Variants in CYB5B observed in about 807,000 individuals in gnomAD.
CYB5B encodes cytochrome b5 type B, also known as cytochrome b5 type B (outer mitochondrial membrane).
Under a neutral mutation model 21.3 loss-of-function variants are expected in CYB5B, and 14 were observed. The observed-to-expected ratio is 0.66, with a 90% CI of 0.43 to 1.03. The LOEUF (loss-of-function observed/expected upper bound fraction) is 1.03. Ranked by LOEUF, CYB5B falls within the 50% of genes least tolerant of loss-of-function variation. The probability of loss-of-function intolerance (pLI) is 0.00; values close to 1 mark genes in which losing one functional copy is unlikely to be tolerated. For synonymous variants in CYB5B, 69 were observed against 68.4 expected (o/e 1.01, Z -0.04); for missense variants, 166 against 185.1 (o/e 0.90, Z 0.60).
intron 1 of CYB5B, among the ~76,000 whole-genome samples, chr16:69,432,921 C>A (rs1223709289): frequency 1.3e-4 from 20 of 152,200 alleles, no homozygotes; most frequent in Non-Finnish European, 2.4e-4. Context: ...CCTCAGCCTC[C>A]TGAGTAGCTG....
intron 3 of CYB5B, 98 bp from the exon 4 acceptor site, chr16:69,458,982 TGGTATCAGTTACA>T: frequency 1.1e-6 from 1 of 918,750 alleles, no homozygotes; most frequent in Non-Finnish European, 1.6e-6. Flanking sequence ...GATGAAGTTC[TGGTATCAGTTACA>T]GGGTTGACAT....
chr16:69,427,447 C>T (rs1458907453), intron 1 of CYB5B, among the ~76,000 whole-genome samples: 1 of 151,900 alleles, frequency 6.6e-6, no homozygotes, highest in African/African-American at 2.4e-5. Flanking sequence ...CTGTTTCAAC[C>T]ACATGCTGAT....
intron 1 of CYB5B, among the ~76,000 whole-genome samples, 157 bp from the exon 2 acceptor site, chr16:69,446,993 C>A (rs2014884756): frequency 6.6e-6 from 1 of 152,180 alleles, no homozygotes; most frequent in South Asian, 2.1e-4. Flanking sequence ...AGAAGTTATG[C>A]TGTGTTCTTC....
rs2015049508 is a variant in CYB5B at position 69,462,855 on chromosome 16, C to T, written c.*335C>T. ...TGGTAAAAATGCCTGCTTTCCAATA[C>T]TTTGATTGCATATTAGACATTCTTA... On this transcript the variant is annotated 3_prime_UTR_variant, in exon 5 of 5. Coordinates refer to ENST00000307892, the MANE Select transcript of CYB5B (RefSeq NM_030579.3). 4.5e-6 allele frequency: 1 copy of T among 220,500 alleles called. No individual in the cohort carries two copies. Among genetic ancestry groups the T allele is most frequent in the Non-Finnish European group, 9.2e-6 (1 of 108,360 alleles). 13.7% of individuals were successfully genotyped at this position (220,500 alleles called of 1,614,324 possible).
At position 69,464,278 on chromosome 16, in the gene CYB5B, G is replaced by A. The variant is rs2015064794; in HGVS notation, c.*1758G>A. On this transcript the variant is annotated 3_prime_UTR_variant, in exon 5 of 5. Coordinates refer to ENST00000307892, the MANE Select transcript of CYB5B (RefSeq NM_030579.3). ...TGGATATATTTGGGAGTAATTTTAG[G>A]AGATTTCTGGCTGACTTTTATTATC... 6.6e-6 allele frequency: 1 copy of A among 152,150 alleles called. No homozygotes were observed. Among genetic ancestry groups the A allele is most frequent in the African/African-American group, 2.4e-5 (1 of 41,422 alleles). 9.4% of individuals were successfully genotyped at this position (152,150 alleles called of 1,614,324 possible). A position where few individuals can be genotyped will look rare whatever the true frequency, so the allele number is the denominator to read the frequency against.
chr16:69,437,347 CA>C, intron 1 of CYB5B, among the ~76,000 whole-genome samples: 1 of 152,152 alleles, frequency 6.6e-6, no homozygotes, highest in East Asian at 1.9e-4. Context: ...TGCAAATTCA[CA>C]AGAGGTTTAA....
At chr16:69,428,665 A>C (rs949469827) in intron 1 of CYB5B, among the ~76,000 whole-genome samples, 3 of 152,196 alleles carry the variant, frequency 2.0e-5, no homozygotes, top group African/African-American at 7.2e-5. Flanking sequence ...AAATGAAAAA[A>C]AAAAGAAAAA....
intron 1 of CYB5B, among the ~76,000 whole-genome samples, chr16:69,442,312 C>A (rs1322773991): frequency 6.6e-6 from 1 of 151,944 alleles, no homozygotes; most frequent in Non-Finnish European, 1.5e-5. Flanking sequence ...CTTAAGTTTT[C>A]CCCTTTCTCT....
intron 1 of CYB5B, among the ~76,000 whole-genome samples, chr16:69,440,878 T>A: frequency 6.6e-6 from 1 of 151,810 alleles, no homozygotes; most frequent in Non-Finnish European, 1.5e-5. Flanking sequence ...AGGATGGTCA[T>A]GAACTCCCAG....
At position 69,447,278 on chromosome 16, in the gene CYB5B, G is replaced by T. The variant is rs765357837; in HGVS notation, c.303G>T (p.Pro101=). ...AGTACTACATTGGTGATATCCATCC[G>T]GTAAGAACTATCAGAGATGGGAGCC... ...LKQYYIGDIH[P]SDLKPESGSK... The change falls in exon 2 of 5, where the codon CCG becomes CCT. Residue 101 remains proline, a splice_region_variant and synonymous_variant. Coordinates refer to ENST00000307892, the MANE Select transcript of CYB5B (RefSeq NM_030579.3). 15 of 1,612,840 alleles carry T rather than the reference G, an allele frequency of 9.3e-6. No homozygotes were observed. In the Admixed American group the frequency reaches 2.5e-4, roughly 27 times the overall value.
chr16:69,465,638 T>A lies in CYB5B; in HGVS notation c.*3118T>A, dbSNP rs952600340. On this transcript the variant is annotated 3_prime_UTR_variant, in exon 5 of 5. Coordinates refer to ENST00000307892, the MANE Select transcript of CYB5B (RefSeq NM_030579.3). ...CAATGTGGGACAATGAAAAATGCTT[T>A]ACAGGCCTGGAGTATCATTACTTAT... 5 of 152,220 alleles carry A rather than the reference T, an allele frequency of 3.3e-5. No homozygotes were observed. The highest frequency in any genetic ancestry group is 4.1e-4 in the South Asian group (2 of 4,832). The allele number at this position is 152,220 out of a possible 1,614,324, so 9.4% of individuals were successfully genotyped here.
chr16:69,451,594 TTGAG>T (rs1345806191), intron 3 of CYB5B, among the ~76,000 whole-genome samples: 4 of 152,084 alleles, frequency 2.6e-5, no homozygotes, highest in African/African-American at 4.8e-5. Flanking sequence ...TACATTTTTT[TTGAG>T]TGAGTATTAT....
chr16:69,424,674 G>A lies in CYB5B; in HGVS notation c.-10G>A, dbSNP rs778829544. 6.5e-7 allele frequency: 1 copy of A among 1,541,784 alleles called. No homozygotes were observed. Among genetic ancestry groups the A allele is most frequent in the Non-Finnish European group, 8.7e-7 (1 of 1,143,478 alleles). ...AGTCGCGGAATCTCAGTTAGCGGTG[G>A]AGAGGCAGTATGTCCGGTTCAATGG... On this transcript the variant is annotated 5_prime_UTR_variant, in exon 1 of 5. Transcript: ENST00000307892.
At chr16:69,426,131 G>A (rs1412187501) in intron 1 of CYB5B, among the ~76,000 whole-genome samples, 3 of 152,182 alleles carry the variant, frequency 2.0e-5, no homozygotes, top group Non-Finnish European at 4.4e-5. Flanking sequence ...CGGGCGCGGT[G>A]GCTCACGCCT....
At chr16:69,429,295 G>C (rs1455990178) in intron 1 of CYB5B, among the ~76,000 whole-genome samples, 1 of 152,186 alleles carries the variant, frequency 6.6e-6, no homozygotes. Context: ...AGGGACCAGA[G>C]CAGGTTGATG....
intron 1 of CYB5B, chr16:69,443,758 G>C (rs2014849109): frequency 6.5e-6 from 1 of 152,836 alleles, no homozygotes; most frequent in Admixed American, 6.5e-5. Flanking sequence ...GGGAGGCTGA[G>C]GCAGGAGAAT....
chr16:69,450,281 A>G (rs2014920254), intron 3 of CYB5B: 1 of 151,644 alleles, frequency 6.6e-6, no homozygotes, highest in African/African-American at 2.4e-5. Context: ...TGTAAGAAAG[A>G]TAGAAAAAGA....
At chr16:69,447,366 G>A in intron 2 of CYB5B, 88 bp downstream of exon 2, 5 of 1,522,906 alleles carry the variant, frequency 3.3e-6, no homozygotes, top group Non-Finnish European at 4.4e-6. Context: ...TATTGGCTGG[G>A]CGTGGTGGCT....
At chr16:69,438,633 C>CT (rs1464901130) in intron 1 of CYB5B, among the ~76,000 whole-genome samples, 11 of 151,058 alleles carry the variant, frequency 7.3e-5, no homozygotes, top group African/African-American at 2.4e-4. Flanking sequence ...TGGGGAGTCC[C>CT]TTTCTGACAG....
Sources: gnomAD v4.1 joint callset for allele counts (sites outside exome capture counted in the v4.1 genomes callset) on GRCh38, gnomAD v4.1.1 for gene constraint, MANE v1.5 for transcripts, NCBI Gene and HGNC (gene_info 2026-07-23, HGNC 2026-07-21) for gene names.